The following VPS37C variants were observed in gnomAD, a reference collection of about 807,000 sequenced individuals.
VPS37C encodes the protein VPS37C subunit of ESCRT-I.
VPS37C carries 9 observed loss-of-function variants against 16.1 expected under a neutral mutation model. The observed-to-expected ratio is 0.56, with a 90% CI of 0.34 to 0.97. VPS37C has a LOEUF of 0.97. VPS37C is among the 50% of genes least tolerant of loss of function. The pLI is 0.02. For missense variants in VPS37C, 479 were observed against 472.7 expected (o/e 1.01, Z -0.12); for synonymous variants, 207 against 206.4 (o/e 1.00, Z -0.02).
intron 1 of VPS37C, among the ~76,000 whole-genome samples, chr11:61,156,533 C>T (rs897887774): frequency 6.6e-6 from 1 of 151,992 alleles, no homozygotes; most frequent in African/African-American, 2.4e-5. Flanking sequence ...TGCAGTGAGT[C>T]AAGATCACAC....
At chr11:61,142,817 G>C (rs1245173634) in intron 1 of VPS37C, among the ~76,000 whole-genome samples, 3 of 11,046 alleles carry the variant, frequency 2.7e-4, no homozygotes, top group African/African-American at 2.6e-3. Flanking sequence ...GTGGGGGGAG[G>C]GGGGGAGGGG....
At chr11:61,150,147 C>T (rs1386901252) in intron 1 of VPS37C, among the ~76,000 whole-genome samples, 5 of 152,172 alleles carry the variant, frequency 3.3e-5, no homozygotes, top group East Asian at 3.8e-4. Context: ...CCCCAGCTTC[C>T]GTTTCTATCA....
At chr11:61,150,039 C>T (rs2134649866) in intron 1 of VPS37C, among the ~76,000 whole-genome samples, 1 of 152,230 alleles carries the variant, frequency 6.6e-6, no homozygotes, top group South Asian at 2.1e-4. Context: ...CAGTCCGTCC[C>T]CTAAAGGGAC....
At chr11:61,138,878 G>A (rs1057235955) in intron 1 of VPS37C, 43 bp from the exon 2 acceptor site, 17 of 1,574,880 alleles carry the variant, frequency 1.1e-5, no homozygotes, top group Non-Finnish European at 1.5e-5. Context: ...GGCAGCCCAA[G>A]ACGAAGGGAC....
intron 3 of VPS37C, 27 bp from the exon 4 acceptor site, chr11:61,133,364 A>G: frequency 5.0e-6 from 8 of 1,610,774 alleles, no homozygotes; most frequent in Non-Finnish European, 6.8e-6. Context: ...AACGACTGAC[A>G]TTTGAAAAGT....
At position 61,158,626 on chromosome 11, in the gene VPS37C, C is replaced by T. The variant is rs193080301; in HGVS notation, c.-7+2765G>A. Among the ~76,000 whole-genome samples, 1,369 of 152,312 alleles carry T rather than the reference C, an allele frequency of 9.0e-3. 9 individuals carry two copies. The highest frequency in any genetic ancestry group is 0.015 in the Non-Finnish European group (1,037 of 68,022). On this transcript the variant is annotated intron_variant, in intron 1 of 4. Coordinates refer to ENST00000301765, the MANE Select transcript of VPS37C (RefSeq NM_017966.5). ...CTGCTTGAGGTGGGACCAGATAAATCAGCGGAACTAAAAATACTAACAGGT... is the reference window on the plus strand; with the variant it reads ...CTGCTTGAGGTGGGACCAGATAAATTAGCGGAACTAAAAATACTAACAGGT...
intron 1 of VPS37C, among the ~76,000 whole-genome samples, chr11:61,140,429 C>T (rs1244115572): frequency 1.3e-5 from 2 of 151,660 alleles, no homozygotes; most frequent in Non-Finnish European, 2.9e-5. Flanking sequence ...AATCATATGG[C>T]CACTGATAAA....
intron 1 of VPS37C, among the ~76,000 whole-genome samples, chr11:61,152,894 A>G (rs976686718): frequency 2.0e-5 from 3 of 152,244 alleles, no homozygotes; most frequent in African/African-American, 7.2e-5. Flanking sequence ...ATCCCTCAAA[A>G]GCCAGCAACT....
chr11:61,144,535 C>T (rs1043735802), intron 1 of VPS37C: 1 of 152,258 alleles, frequency 6.6e-6, no homozygotes, highest in Non-Finnish European at 1.5e-5. Flanking sequence ...TAAGGCTTGG[C>T]TCTGTGTGGG....
At chr11:61,133,406 A>G in intron 3 of VPS37C, 69 bp from the exon 4 acceptor site, 1 of 1,508,396 alleles carries the variant, frequency 6.6e-7, no homozygotes, top group South Asian at 1.2e-5. Flanking sequence ...GGCACTTTGC[A>G]TACCCTCTGT....
chr11:61,149,726 A>G (rs1314593068), intron 1 of VPS37C, among the ~76,000 whole-genome samples: 1 of 152,238 alleles, frequency 6.6e-6, no homozygotes, highest in Non-Finnish European at 1.5e-5. Context: ...TCTCATAGGG[A>G]AATTGCTTCA....
At chr11:61,139,118 A>C (rs1040967917) in intron 1 of VPS37C, among the ~76,000 whole-genome samples, 3 of 152,192 alleles carry the variant, frequency 2.0e-5, no homozygotes, top group Non-Finnish European at 4.4e-5. Flanking sequence ...CTCGGGTGCT[A>C]GATGGAGCTC....
intron 1 of VPS37C, among the ~76,000 whole-genome samples, chr11:61,152,820 T>C (rs1248161451): frequency 1.3e-5 from 2 of 152,224 alleles, no homozygotes; most frequent in African/African-American, 2.4e-5. Context: ...GCCTTTGCTC[T>C]TGCTCTCCAC....
At chr11:61,154,757 G>A (rs1453245651) in intron 1 of VPS37C, among the ~76,000 whole-genome samples, 9 of 152,114 alleles carry the variant, frequency 5.9e-5, no homozygotes, top group Non-Finnish European at 1.2e-4. Context: ...AACACACAAA[G>A]AAAATTACAC....
intron 1 of VPS37C, chr11:61,144,520 C>G (rs1853163360): frequency 6.6e-6 from 1 of 152,198 alleles, no homozygotes; most frequent in Non-Finnish European, 1.5e-5. Flanking sequence ...CCCAAGGGCA[C>G]TTCCTAAGGC....
intron 1 of VPS37C, among the ~76,000 whole-genome samples, chr11:61,147,400 C>A (rs1853228141): frequency 6.6e-6 from 1 of 152,130 alleles, no homozygotes; most frequent in Non-Finnish European, 1.5e-5. Flanking sequence ...TATATCTTGA[C>A]TAAATCGATC....
chr11:61,132,015 G>T lies in VPS37C; in HGVS notation c.873C>A (p.Ala291=). The T allele has an allele frequency of 7.3e-7, 1 of 1,376,370 alleles. No individual in the cohort carries two copies. Among genetic ancestry groups the T allele is most frequent in the Non-Finnish European group, 9.4e-7 (1 of 1,061,112 alleles). The allele number at this position is 1,376,370 out of a possible 1,614,324, so 85.3% of individuals were successfully genotyped here. Residue 291 remains alanine, a synonymous_variant, in exon 5 of 5, where the codon GCC becomes GCA. Coordinates refer to ENST00000301765, the MANE Select transcript of VPS37C (RefSeq NM_017966.5). Reference sequence around the variant, plus strand: ...ACTGTTGAGGATAACCAGGACTGGGGGCCCTGCCTCCCCGCAAGGGGTACC... The same window carrying T: ...ACTGTTGAGGATAACCAGGACTGGGTGCCCTGCCTCCCCGCAAGGGGTACC... ...GPGYPLRGGR[A]PSPGYPQQSP...
chr11:61,161,371 C>A lies in VPS37C; in HGVS notation c.-7+20G>T. ...CGCCCGCCTGCGGCAGAGCCGGGAC[C>A]CTCCCCAGTCTCCGCTCACCTGCCA... On this transcript the variant is annotated intron_variant, in intron 1 of 4. Transcript: ENST00000301765. The A allele has an allele frequency of 6.5e-6, 1 of 153,016 alleles. No homozygotes were observed. The highest frequency in any genetic ancestry group is 2.0e-4 in the South Asian group (1 of 4,934). The allele number at this position is 153,016 out of a possible 1,614,324, so 9.5% of individuals were successfully genotyped here.
At chr11:61,154,861 T>A (rs558161163) in intron 1 of VPS37C, among the ~76,000 whole-genome samples, 1 of 152,134 alleles carries the variant, frequency 6.6e-6, no homozygotes, top group Non-Finnish European at 1.5e-5. Flanking sequence ...TCTCAGCACT[T>A]TGGAAGGCCG....
Sources: gnomAD v4.1 joint callset for allele counts (sites outside exome capture counted in the v4.1 genomes callset) on GRCh38, gnomAD v4.1.1 for gene constraint, MANE v1.5 for transcripts, NCBI Gene and HGNC (gene_info 2026-07-23, HGNC 2026-07-21) for gene names.